RDM1: variants seen among roughly 807,000 people sequenced by gnomAD.
RDM1 encodes RAD52 motif-containing protein 1.
RDM1 carries 28 observed loss-of-function variants against 27.7 expected under a neutral mutation model. The ratio of observed to expected loss-of-function variants is 1.01; its 90% CI spans 0.75 to 1.39. The LOEUF (loss-of-function observed/expected upper bound fraction) is 1.39, where lower values mean the gene tolerates loss of function less well. Ranked by LOEUF, RDM1 falls within the 40% of genes most tolerant of loss-of-function variation. RDM1 has a pLI of 0.00. For synonymous variants in RDM1, 124 were observed against 127.5 expected (o/e 0.97, Z 0.19); for missense variants, 277 against 337.3 (o/e 0.82, Z 1.40).
rs1598672565 is a variant in RDM1 at position 35,924,660 on chromosome 17, T to C, written c.512A>G (p.Asp171Gly). ...CALEVVLPSC[D>G]CRSPGIGLVE... The stretch of plus-strand genomic sequence containing the variant: ...CAAGCCAATGCCAGGACTCCTGCAA[T>C]CACAGGATGGCAACACCACTTCTAA... The change falls in exon 4 of 7, where the codon GAT becomes GGT. Residue 171 changes from aspartate (D) to glycine (G), a missense_variant. Coordinates refer to ENST00000620284, the MANE Select transcript of RDM1 (RefSeq NM_145654.4). 1.2e-6 allele frequency: 2 copies of C among 1,614,138 alleles called. No homozygotes were observed. Among genetic ancestry groups the C allele is most frequent in the African/African-American group, 1.3e-5 (1 of 75,048 alleles).
In RDM1 at chr17:35,922,805, G is replaced by A. The variant is rs781030855; in HGVS notation, c.569-130C>T. 1.0e-4 allele frequency: 69 copies of A among 684,730 alleles called. 1 individual carries two copies. The highest frequency in any genetic ancestry group is 1.3e-4 in the South Asian group (6 of 45,782). The allele number at this position is 684,730 out of a possible 1,614,324, so 42.4% of individuals were successfully genotyped here. A position where few individuals can be genotyped will look rare whatever the true frequency, so the allele number is the denominator to read the frequency against. ...ATGACTAAGGGCAGATGGCACAAGC[G>A]TATGGTTGAATGGCTCTGTTATAGG... is the stretch of plus-strand genomic sequence containing the variant. On this transcript the variant is annotated intron_variant, in intron 4 of 6. Transcript: ENST00000620284.
intron 2 of RDM1, among the ~76,000 whole-genome samples, chr17:35,926,615 A>G (rs1251295909): frequency 6.6e-6 from 1 of 152,128 alleles, no homozygotes; most frequent in African/African-American, 2.4e-5. Flanking sequence ...CGTGTTAGCC[A>G]GGATGGTCTC....
chr17:35,921,277 C>T (rs946125542), intron 5 of RDM1, among the ~76,000 whole-genome samples: 1 of 152,200 alleles, frequency 6.6e-6, no homozygotes, highest in Non-Finnish European at 1.5e-5. Context: ...CAGTTGATGA[C>T]CAAGGAAGTA....
At chr17:35,926,335 C>A (rs1376388244) in intron 2 of RDM1, among the ~76,000 whole-genome samples, 2 of 151,992 alleles carry the variant, frequency 1.3e-5, no homozygotes, top group Non-Finnish European at 2.9e-5. Context: ...ATATTATATT[C>A]ATGAAATTCA....
chr17:35,925,523 T>A lies in RDM1; in HGVS notation c.391A>T (p.Ile131Phe), dbSNP rs915354563. Reference protein sequence around the residue: ...YFGFNGCSKRIIKLQELSDLE... With the variant: ...YFGFNGCSKRFIKLQELSDLE... ...AAATCTACAAGGTTTACCTTGATGA[T>A]CCTTTTGGAACACCCATTGAAACCA... The change falls in exon 3 of 7, where the codon ATC becomes TTC. Residue 131 changes from isoleucine to phenylalanine, a missense_variant. Transcript: ENST00000620284. 3.1e-6 allele frequency: 5 copies of A among 1,613,192 alleles called. No individual in the cohort carries two copies. In the African/African-American group the frequency reaches 4.0e-5, roughly 13 times the overall value.
intron 1 of RDM1, 81 bp downstream of exon 1, chr17:35,930,551 G>A: frequency 3.0e-6 from 4 of 1,339,832 alleles, no homozygotes; most frequent in Admixed American, 1.9e-5. Flanking sequence ...GCAGGTGAGG[G>A]TCTGAGGCAG....
rs143911099 is a variant in RDM1, at chr17:35,918,317, C to G, written c.*25G>C. 7 of 1,595,036 alleles carry G rather than the reference C, an allele frequency of 4.4e-6. No individual in the cohort carries two copies. The highest frequency in any genetic ancestry group is 6.0e-6 in the Non-Finnish European group (7 of 1,164,388). On this transcript the variant is annotated 3_prime_UTR_variant, in exon 7 of 7. Transcript: ENST00000620284. ...AGAGCTTCCCAAGGAAGTTACATGACCTCGCCTTGGGATATTCAGAAATGC... is the reference window on the plus strand; with the variant it reads ...AGAGCTTCCCAAGGAAGTTACATGAGCTCGCCTTGGGATATTCAGAAATGC...
chr17:35,929,475 T>A (rs1392050105), intron 2 of RDM1, among the ~76,000 whole-genome samples: 1 of 152,094 alleles, frequency 6.6e-6, no homozygotes, highest in African/African-American at 2.4e-5. Flanking sequence ...GGAGTCTCAC[T>A]CTGTCACCCA....
chr17:35,921,910 T>TA (rs1172537441), intron 5 of RDM1, among the ~76,000 whole-genome samples: 2 of 148,772 alleles, frequency 1.3e-5, no homozygotes, highest in African/African-American at 2.5e-5. Flanking sequence ...AAAATTGCAT[T>TA]AAAAAATCTT....
intron 2 of RDM1, among the ~76,000 whole-genome samples, chr17:35,927,247 C>T (rs537525032): frequency 6.6e-6 from 1 of 152,032 alleles, no homozygotes; most frequent in Non-Finnish European, 1.5e-5. Flanking sequence ...CAAGACCAGC[C>T]TGGCCAACAT....
intron 2 of RDM1, among the ~76,000 whole-genome samples, chr17:35,928,096 T>A (rs1330353996): frequency 6.6e-6 from 1 of 152,164 alleles, no homozygotes; most frequent in Non-Finnish European, 1.5e-5. Flanking sequence ...TTGATCAAGG[T>A]TAATTCAATG....
chr17:35,923,349 C>CAAAAA (rs1013511994), intron 4 of RDM1, among the ~76,000 whole-genome samples: 1 of 47,262 alleles, frequency 2.1e-5, no homozygotes, highest in African/African-American at 8.2e-5. Flanking sequence ...GATTCTGTCT[C>CAAAAA]AAAAAAAAAA....
In RDM1 at chr17:35,924,107, G is replaced by A. The variant is rs909377107; in HGVS notation, c.568+497C>T. The stretch of plus-strand genomic sequence containing the variant: ...GTGGTGGTGCACGCCTGTAGTCCTC[G>A]CTACTCAAGAGGCTGAGGCAGGAGG... On this transcript the variant is annotated intron_variant, in intron 4 of 6. Transcript: ENST00000620284. Among the ~76,000 whole-genome samples, 6 of 151,850 alleles carry A rather than the reference G, an allele frequency of 4.0e-5. No individual in the cohort carries two copies. In the South Asian group the frequency reaches 8.4e-4, roughly 21 times the overall value.
chr17:35,930,350 A>G, intron 1 of RDM1, 95 bp from the exon 2 acceptor site: 2 of 1,519,114 alleles, frequency 1.3e-6, no homozygotes, highest in Non-Finnish European at 1.8e-6. Flanking sequence ...TTCGCGAAGG[A>G]TGCGATTCAA....
rs747372367 is a variant in RDM1, at chr17:35,925,491, T to TG, written c.399+23dup. The TG allele has an allele frequency of 4.8e-5, 77 of 1,611,082 alleles. No homozygotes were observed. In the African/African-American group the frequency reaches 8.3e-4, roughly 17 times the overall value. On this transcript the variant is annotated intron_variant, in intron 3 of 6. Transcript: ENST00000620284. ...AATGTTGAAAGGAGAGTGTGGTAAG[T>TG]GAAAAAAAATCTACAAGGTTTACCT... is the stretch of plus-strand genomic sequence containing the variant.
At chr17:35,921,118 G>C (rs962141582) in intron 5 of RDM1, among the ~76,000 whole-genome samples, 1 of 152,208 alleles carries the variant, frequency 6.6e-6, no homozygotes, top group Middle Eastern at 3.2e-3. Context: ...TACCCTTATA[G>C]ACAATAGAAC....
chr17:35,920,345 C>T, intron 5 of RDM1, 73 bp from the exon 6 acceptor site: 2 of 654,582 alleles, frequency 3.1e-6, no homozygotes, highest in Non-Finnish European at 5.2e-6. Flanking sequence ...ATGGTAGCAC[C>T]CCATGATGAA....
At chr17:35,929,625 A>T (rs538344983) in intron 2 of RDM1, among the ~76,000 whole-genome samples, 26 of 152,160 alleles carry the variant, frequency 1.7e-4, no homozygotes, top group African/African-American at 6.3e-4. Context: ...TATTTATAGT[A>T]CAGATGGAGT....
chr17:35,922,221 TAATTGCATTAA>T (rs2088968782), intron 5 of RDM1: 1 of 197,600 alleles, frequency 5.1e-6, no homozygotes, highest in Non-Finnish European at 1.0e-5. Flanking sequence ...GCGCCCGGCC[TAATTGCATTAA>T]AAATCTAAGA....
Sources: gnomAD v4.1 joint callset for allele counts (sites outside exome capture counted in the v4.1 genomes callset) on GRCh38, gnomAD v4.1.1 for gene constraint, MANE v1.5 for transcripts, NCBI Gene and HGNC (gene_info 2026-07-23, HGNC 2026-07-21) for gene names.